Variants in ARHGEF28 observed in about 807,000 individuals in gnomAD.
The protein encoded by ARHGEF28 is Rho guanine nucleotide exchange factor 28.
A neutral mutation model predicts 206.6 loss-of-function variants in ARHGEF28; 152 were observed. The ratio of observed to expected loss-of-function variants is 0.74; its 90% CI spans 0.64 to 0.84. ARHGEF28 has a LOEUF of 0.84. Among genes scored for constraint, ARHGEF28 ranks in the 40% least tolerant of loss-of-function variants. ARHGEF28 has a pLI of 0.00. For synonymous variants in ARHGEF28, 763 were observed against 776.4 expected (o/e 0.98, Z 0.29); for missense variants, 2,028 against 2,073.2 (o/e 0.98, Z 0.42).
intron 6 of ARHGEF28, among the ~76,000 whole-genome samples, chr5:73,778,735 T>C (rs1462694651): frequency 2.6e-5 from 4 of 152,258 alleles, no homozygotes; most frequent in East Asian, 3.8e-4. Context: ...GGTTAGATAT[T>C]ATTTTAAATA....
rs1762898370 is a variant in ARHGEF28, at chr5:73,911,436, G to A, written c.4809G>A (p.Val1603=). ...CAACTCAATCTCATTCTGACTTGGT[G>A]AGGACTAGTGAACATCAAGTAGACC... ...YPTTQSHSDL[V]RTSEHQVDLK... is the part of the protein sequence containing the mutation. Residue 1603 remains valine, a synonymous_variant, in exon 35 of 36, where the codon GTG becomes GTA. Transcript: ENST00000513042. 1.2e-6 allele frequency: 2 copies of A among 1,613,872 alleles called. No individual in the cohort carries two copies. Among genetic ancestry groups the A allele is most frequent in the South Asian group, 2.2e-5 (2 of 91,074 alleles).
chr5:73,657,443 T>C (rs1457111278), intron 1 of ARHGEF28, among the ~76,000 whole-genome samples: 1 of 152,250 alleles, frequency 6.6e-6, no homozygotes, highest in Non-Finnish European at 1.5e-5. Context: ...TGCTTTGAGT[T>C]ATTTTTTAAC....
At chr5:73,936,858 A>C (rs918725891) in intron 35 of ARHGEF28, among the ~76,000 whole-genome samples, 2 of 152,164 alleles carry the variant, frequency 1.3e-5, no homozygotes, top group African/African-American at 4.8e-5. Context: ...GTGAACTACC[A>C]TGCCCAGCCA....
chr5:73,727,213 G>C (rs1409172836), intron 2 of ARHGEF28, among the ~76,000 whole-genome samples: 1 of 152,176 alleles, frequency 6.6e-6, no homozygotes, highest in African/African-American at 2.4e-5. Context: ...TGAAAAGCCA[G>C]AACTGTGGGA....
At chr5:73,867,851 A>T (rs967603690) in intron 18 of ARHGEF28, 25 bp from the exon 19 acceptor site, 3 of 1,613,846 alleles carry the variant, frequency 1.9e-6, no homozygotes, top group Admixed American at 3.3e-5. Flanking sequence ...TGGAAACCAC[A>T]TGAAGCATCT....
At chr5:73,769,604 T>A (rs998506671) in intron 4 of ARHGEF28, among the ~76,000 whole-genome samples, 1 of 152,242 alleles carries the variant, frequency 6.6e-6, no homozygotes, top group African/African-American at 2.4e-5. Context: ...ACATTAAGAT[T>A]ACTTTGAATT....
chr5:73,832,295 C>T, intron 9 of ARHGEF28, 43 bp from the exon 10 acceptor site: 1 of 1,602,708 alleles, frequency 6.2e-7, no homozygotes, highest in Non-Finnish European at 8.5e-7. Flanking sequence ...GTAAAATAAG[C>T]CCCTTCTCCT....
At chr5:73,835,521 G>A (rs1757576628) in intron 10 of ARHGEF28, among the ~76,000 whole-genome samples, 1 of 151,660 alleles carries the variant, frequency 6.6e-6, no homozygotes, top group African/African-American at 2.4e-5. Context: ...CTGGATAGCT[G>A]AATACATGGG....
intron 4 of ARHGEF28, among the ~76,000 whole-genome samples, chr5:73,762,215 G>A (rs1752639261): frequency 6.6e-6 from 1 of 151,812 alleles, no homozygotes; most frequent in Admixed American, 6.6e-5. Flanking sequence ...CAGCACTTTG[G>A]GAGGCTGAGG....
intron 9 of ARHGEF28, among the ~76,000 whole-genome samples, chr5:73,801,060 A>C (rs1398361945): frequency 6.6e-6 from 1 of 152,176 alleles, no homozygotes. Context: ...TTCTCTTCTT[A>C]TATTAACCAA....
At chr5:73,739,682 G>A (rs181255731) in intron 2 of ARHGEF28, among the ~76,000 whole-genome samples, 1 of 151,836 alleles carries the variant, frequency 6.6e-6, no homozygotes, top group Admixed American at 6.6e-5. Context: ...ATGGTGGTGT[G>A]TGCCTGTAGT....
At chr5:73,640,028 C>T (rs757190785) in intron 1 of ARHGEF28, among the ~76,000 whole-genome samples, 25 of 152,112 alleles carry the variant, frequency 1.6e-4, no homozygotes, top group African/African-American at 2.7e-4. Flanking sequence ...GATGCACATA[C>T]GGGAAATAGC....
At chr5:73,703,126 G>A (rs544394704) in intron 2 of ARHGEF28, among the ~76,000 whole-genome samples, 1 of 152,312 alleles carries the variant, frequency 6.6e-6, no homozygotes, top group Admixed American at 6.5e-5. Context: ...CTATTTTAAT[G>A]TCAGTTGGCA....
intron 35 of ARHGEF28, among the ~76,000 whole-genome samples, chr5:73,938,696 A>G (rs1439355615): frequency 6.6e-6 from 1 of 152,220 alleles, no homozygotes; most frequent in Non-Finnish European, 1.5e-5. Context: ...GAGGTGAAAT[A>G]GCTTCAGTCT....
At chr5:73,756,533 A>T (rs780125776) in intron 4 of ARHGEF28, among the ~76,000 whole-genome samples, 1 of 152,156 alleles carries the variant, frequency 6.6e-6, no homozygotes. Context: ...GTCGAATTTT[A>T]CTCTGAAGGT....
chr5:73,677,041 C>T (rs908912472), intron 1 of ARHGEF28, among the ~76,000 whole-genome samples: 1 of 152,146 alleles, frequency 6.6e-6, no homozygotes, highest in Non-Finnish European at 1.5e-5. Flanking sequence ...AGTAACAACA[C>T]CAAGACCAAT....
intron 23 of ARHGEF28, among the ~76,000 whole-genome samples, chr5:73,883,496 C>T (rs79289813): frequency 3.9e-5 from 6 of 152,074 alleles, no homozygotes; most frequent in East Asian, 1.9e-4. Flanking sequence ...ATTCATAAAT[C>T]GAGGCACTTA....
At chr5:73,910,947 G>C (rs761813575) in intron 34 of ARHGEF28, among the ~76,000 whole-genome samples, 5 of 152,112 alleles carry the variant, frequency 3.3e-5, no homozygotes, top group Non-Finnish European at 7.3e-5. Context: ...AACTCCTCAT[G>C]TATATATGGA....
chr5:73,784,125 TAA>T (rs35883511), intron 7 of ARHGEF28, among the ~76,000 whole-genome samples: 4 of 147,464 alleles, frequency 2.7e-5, no homozygotes, highest in African/African-American at 9.9e-5. Context: ...AGCTTCCTCT[TAA>T]AAAAAAAAAA....
Sources: allele counts gnomAD v4.1 joint callset (sites outside exome capture counted in the v4.1 genomes callset), GRCh38; gene constraint gnomAD v4.1.1; transcripts MANE v1.5; gene names NCBI Gene and HGNC (gene_info 2026-07-23, HGNC 2026-07-21).